Variants in SLC17A5 observed in about 807,000 individuals in gnomAD.
SLC17A5 encodes the protein solute carrier family 17 member 5.
Under a neutral mutation model 59.4 loss-of-function variants are expected in SLC17A5, and 47 were observed. The ratio of observed to expected loss-of-function variants is 0.79; its 90% CI spans 0.63 to 1.01. The LOEUF is 1.01. SLC17A5 is among the 50% of genes least tolerant of loss of function. The pLI is 0.00. For synonymous variants in SLC17A5, 202 were observed against 210.7 expected, an observed-to-expected ratio of 0.96 and a Z score of 0.36; for missense variants, 522 against 595.5, an observed-to-expected ratio of 0.88 and a Z score of 1.28.
chr6:73,613,099 G>T (rs1240037634), intron 8 of SLC17A5, among the ~76,000 whole-genome samples: 1 of 151,982 alleles, frequency 6.6e-6, no homozygotes, highest in Non-Finnish European at 1.5e-5. Flanking sequence ...ATTATTTATG[G>T]GTTCTTTGAG....
chr6:73,603,393 G>A (rs1387640081), intron 9 of SLC17A5, among the ~76,000 whole-genome samples: 1 of 148,378 alleles, frequency 6.7e-6, no homozygotes, highest in African/African-American at 2.5e-5. Context: ...CACCTGGCCC[G>A]ATAATTCATT....
chr6:73,632,740 C>T (rs1016313932), intron 6 of SLC17A5, among the ~76,000 whole-genome samples: 7 of 151,526 alleles, frequency 4.6e-5, no homozygotes, highest in African/African-American at 1.2e-4. Context: ...CCACCCCTGG[C>T]CAAGGGAAAG....
At chr6:73,609,055 A>G (rs543787145) in intron 9 of SLC17A5, among the ~76,000 whole-genome samples, 1 of 152,224 alleles carries the variant, frequency 6.6e-6, no homozygotes, top group Non-Finnish European at 1.5e-5. Context: ...CTGAGGATTC[A>G]TAGAAATCAG....
At position 73,653,824 on chromosome 6, in the gene SLC17A5, A is replaced by G; in HGVS notation, c.63T>C (p.Pro21=). The change falls in exon 1 of 11, where the codon CCT becomes CCC. Residue 21 remains proline (P), a synonymous_variant. Transcript: ENST00000355773. The part of the protein sequence containing the change: ...NDGEESTDRT[P]LLPGAPRAEA... ...CGGCCCGTGGGGCGCCCGGTAGAAG[A>G]GGCGTGCGGTCCGTGCTCTCCTCGC... 1 of 1,601,884 alleles carries G rather than the reference A, an allele frequency of 6.2e-7. No homozygotes were observed.
intron 6 of SLC17A5, among the ~76,000 whole-genome samples, chr6:73,626,052 T>C (rs1306133880): frequency 6.6e-6 from 1 of 152,214 alleles, no homozygotes; most frequent in Non-Finnish European, 1.5e-5. Context: ...ATCATTCTTT[T>C]ATGCTGAAAG....
chr6:73,635,665 A>G (rs1768958579), intron 5 of SLC17A5, among the ~76,000 whole-genome samples, 165 bp from the exon 6 acceptor site: 1 of 152,136 alleles, frequency 6.6e-6, no homozygotes, highest in African/African-American at 2.4e-5. Context: ...TTTGGATTCA[A>G]TTTCAAGTTT....
intron 1 of SLC17A5, among the ~76,000 whole-genome samples, chr6:73,652,611 G>A (rs1769922415): frequency 6.6e-6 from 1 of 152,008 alleles, no homozygotes; most frequent in African/African-American, 2.4e-5. Context: ...ATTATTTTAT[G>A]AGGAATATTA....
intron 6 of SLC17A5, among the ~76,000 whole-genome samples, chr6:73,630,119 A>G (rs1296248467): frequency 6.6e-6 from 1 of 151,704 alleles, no homozygotes; most frequent in African/African-American, 2.4e-5. Context: ...CAGCCTCTCG[A>G]GTAGCTGGGA....
At chr6:73,612,308 C>T (rs192166106) in intron 8 of SLC17A5, among the ~76,000 whole-genome samples, 93 of 152,136 alleles carry the variant, frequency 6.1e-4, no homozygotes, top group African/African-American at 2.1e-3. Flanking sequence ...GACAGCCACA[C>T]ACCACCACGC....
intron 6 of SLC17A5, among the ~76,000 whole-genome samples, chr6:73,625,824 G>A (rs1768383787): frequency 6.6e-6 from 1 of 152,172 alleles, no homozygotes; most frequent in African/African-American, 2.4e-5. Context: ...TGAATAGGTT[G>A]TGGGTGGGTG....
intron 1 of SLC17A5, among the ~76,000 whole-genome samples, chr6:73,649,398 A>G (rs567384170): frequency 2.6e-5 from 4 of 152,288 alleles, no homozygotes; most frequent in African/African-American, 9.6e-5. Flanking sequence ...TGAGCCCAGG[A>G]GTTCAAGACC....
At chr6:73,626,834 C>T (rs1202536824) in intron 6 of SLC17A5, among the ~76,000 whole-genome samples, 1 of 151,844 alleles carries the variant, frequency 6.6e-6, no homozygotes, top group Admixed American at 6.6e-5. Flanking sequence ...TTCAGTGGAG[C>T]GATCTCGGCT....
At chr6:73,638,624 G>T (rs1262187416) in intron 3 of SLC17A5, 125 bp from the exon 4 acceptor site, 6 of 763,586 alleles carry the variant, frequency 7.9e-6, no homozygotes, top group African/African-American at 1.7e-5. Context: ...CAGGTTCCAT[G>T]AAATGAGAAA....
Position 73,635,517 on chromosome 6 carries a change from AAT to A in SLC17A5, c.701-19_701-18del, listed in dbSNP as rs1768953344. On this transcript the variant is annotated intron_variant, in intron 5 of 10. Transcript: ENST00000355773. ...CAATAGTACCTTAAAATAGAAAAAT[AAT>A]AGTTAGATAAAATTAGAATGTACCA... The A allele has an allele frequency of 1.6e-6, 2 of 1,241,312 alleles. No individual in the cohort carries two copies. The highest frequency in any genetic ancestry group is 1.8e-5 in the Admixed American group (1 of 54,876). 76.9% of individuals were successfully genotyped at this position (1,241,312 alleles called of 1,614,324 possible). A position where few individuals can be genotyped will look rare whatever the true frequency, so the allele number is the denominator to read the frequency against.
chr6:73,620,996 G>A (rs1768118371), intron 7 of SLC17A5, among the ~76,000 whole-genome samples: 1 of 128,354 alleles, frequency 7.8e-6, no homozygotes, highest in Non-Finnish European at 1.6e-5. Context: ...AAAGTGCTGG[G>A]ATTAATTATT....
chr6:73,638,499 C>T lies in SLC17A5; in HGVS notation c.526G>A (p.Gly176Ser). Residue 176 changes from glycine (G) to serine (S), a missense_variant and splice_region_variant, in exon 4 of 11, where the codon GGT (glycine) becomes AGT (serine). Physicochemically the swap from Gly to Ser is moderately conservative, Grantham distance 56 (BLOSUM62 0). This residue lies in a region of SLC17A5 where 338 missense variants were observed against 363.8 expected (regional missense o/e 0.93). Coordinates refer to ENST00000355773, the MANE Select transcript of SLC17A5 (RefSeq NM_012434.5). ...GCATGCATGGCTGGAAATGTAACAC[C>T]CTGAGAGAAGGGAACATGATATTTC... Reference protein sequence around the residue: ...VLRALEGLGEGVTFPAMHAMW... With the variant: ...VLRALEGLGESVTFPAMHAMW... 6.2e-7 allele frequency: 1 copy of T among 1,610,678 alleles called. No individual in the cohort carries two copies. Among genetic ancestry groups the T allele is most frequent in the Non-Finnish European group, 8.5e-7 (1 of 1,176,996 alleles).
At chr6:73,603,942 CTT>C (rs1767279792) in intron 9 of SLC17A5, among the ~76,000 whole-genome samples, 2 of 150,058 alleles carry the variant, frequency 1.3e-5, no homozygotes, top group Non-Finnish European at 3.0e-5. Context: ...AAAAAAAACA[CTT>C]AAAGGAGAAG....
At chr6:73,647,927 G>C (rs1183707010) in intron 1 of SLC17A5, among the ~76,000 whole-genome samples, 2 of 152,098 alleles carry the variant, frequency 1.3e-5, no homozygotes, top group Middle Eastern at 3.2e-3. Context: ...AAATTAGCCG[G>C]GCGTGGTGGC....
chr6:73,633,013 G>A (rs1561996701), intron 6 of SLC17A5, among the ~76,000 whole-genome samples: 2 of 152,110 alleles, frequency 1.3e-5, no homozygotes, highest in Non-Finnish European at 2.9e-5. Context: ...TTGAGACATG[G>A]TCTTGCTCTG....
Sources: gnomAD v4.1 joint callset for allele counts (sites outside exome capture counted in the v4.1 genomes callset) on GRCh38, gnomAD v4.1.1 for gene constraint, gnomAD v4.1.1 regional missense constraint, MANE v1.5 for transcripts, NCBI Gene and HGNC (gene_info 2026-07-23, HGNC 2026-07-21) for gene names.